The following CMTM8 variants were observed in gnomAD, a reference collection of about 807,000 sequenced individuals.
The protein encoded by CMTM8 is CKLF-like MARVEL transmembrane domain-containing protein 8.
CMTM8 carries 12 observed loss-of-function variants against 18.6 expected under a neutral mutation model. That is an observed-to-expected ratio of 0.65 (90% CI 0.41 to 1.05). The LOEUF (loss-of-function observed/expected upper bound fraction) is 1.05, where lower values mean the gene tolerates loss of function less well. CMTM8 is among the 50% of genes least tolerant of loss of function. CMTM8 has a pLI of 0.00. For synonymous variants in CMTM8, 87 were observed against 90.6 expected, an observed-to-expected ratio of 0.96 and a Z score of 0.23; for missense variants, 217 against 227.2, an observed-to-expected ratio of 0.95 and a Z score of 0.29.
chr3:32,358,440 C>T lies in CMTM8; in HGVS notation c.321+894C>T, dbSNP rs1696859924. On this transcript the variant is annotated intron_variant, in intron 2 of 3. Transcript: ENST00000307526. The surrounding 1 kb of genome is among the most constrained non-coding windows in gnomAD (Gnocchi z 4.1). ...TGTTTATGTATAAAACAGAGCTCTC[C>T]AGTGATACTATTTTTTTGTCTGTTT... Among the ~76,000 whole-genome samples the T allele has an allele frequency of 6.6e-6, 1 of 152,026 alleles. No individual in the cohort carries two copies. Among genetic ancestry groups the T allele is most frequent in the African/African-American group, 2.4e-5 (1 of 41,314 alleles).
intron 2 of CMTM8, among the ~76,000 whole-genome samples, chr3:32,361,299 T>TTTTTTTTTTTTTTTC (rs1696925620): frequency 1.4e-5 from 2 of 147,666 alleles, no homozygotes; most frequent in Admixed American, 6.7e-5. Flanking sequence ...TTTTTTTCTT[T>TTTTTTTTTTTTTTTC]CAAATTTTGG....
In CMTM8 at chr3:32,295,477, A is replaced by AAAAAAAAAAAAAAAG. The variant is rs1702860719; in HGVS notation, c.147+56359_147+56360insAAAAAAAAAAAAAGA. Among the ~76,000 whole-genome samples, 2 of 98,396 alleles carry AAAAAAAAAAAAAAAG rather than the reference A, an allele frequency of 2.0e-5. 1 individual carries two copies. Among genetic ancestry groups the AAAAAAAAAAAAAAAG allele is most frequent in the Non-Finnish European group, 3.7e-5 (2 of 53,966 alleles). 64.6% of individuals were successfully genotyped at this position (98,396 alleles called of 152,430 possible). ...TCTCAAAAAAAAAAAAAAAAAAAAA[A>AAAAAAAAAAAAAAAG]ACAAAACAAAACAGCGGAAAGAGAA... On this transcript the variant is annotated intron_variant, in intron 1 of 3. Coordinates refer to ENST00000307526, the MANE Select transcript of CMTM8 (RefSeq NM_178868.5).
At chr3:32,270,663 T>A (rs1175823496) in intron 1 of CMTM8, among the ~76,000 whole-genome samples, 1 of 151,968 alleles carries the variant, frequency 6.6e-6, no homozygotes, top group Non-Finnish European at 1.5e-5. Flanking sequence ...AGGTGGGAAT[T>A]GAACAGTGAG....
At chr3:32,332,313 T>G (rs577358249) in intron 1 of CMTM8, among the ~76,000 whole-genome samples, 1 of 152,274 alleles carries the variant, frequency 6.6e-6, no homozygotes, top group African/African-American at 2.4e-5. Context: ...GACAGTTACC[T>G]CTGAGCATCA....
At chr3:32,283,521 G>C (rs905094210) in intron 1 of CMTM8, among the ~76,000 whole-genome samples, 48 of 152,178 alleles carry the variant, frequency 3.2e-4, no homozygotes, top group African/African-American at 1.2e-3. Flanking sequence ...GGAGCCTGCG[G>C]AACAGGATGG....
chr3:32,320,239 C>G (rs1696016639), intron 1 of CMTM8, among the ~76,000 whole-genome samples: 1 of 152,198 alleles, frequency 6.6e-6, no homozygotes, highest in African/African-American at 2.4e-5. Flanking sequence ...TGCCCGTCAC[C>G]TGATGAATCT....
At chr3:32,359,467 G>A (rs771949930) in intron 2 of CMTM8, among the ~76,000 whole-genome samples, 31 of 152,176 alleles carry the variant, frequency 2.0e-4, no homozygotes, top group South Asian at 4.1e-4. Context: ...GCACATGCCT[G>A]TAATCCCAGC....
Position 32,328,610 on chromosome 3 carries a change from C to T in CMTM8, c.148-28763C>T, listed in dbSNP as rs184051438. Among the ~76,000 whole-genome samples, 4 of 147,828 alleles carry T rather than the reference C, an allele frequency of 2.7e-5. No homozygotes were observed. The East Asian group carries it at 7.8e-4, about 29-fold the overall frequency. On this transcript the variant is annotated intron_variant, in intron 1 of 3. Coordinates refer to ENST00000307526, the MANE Select transcript of CMTM8 (RefSeq NM_178868.5). ...TGAAAAGATTGACAGAATTGACAAA[C>T]CCTTAGCTCAACTATGAAAAAACAA...
intron 1 of CMTM8, among the ~76,000 whole-genome samples, chr3:32,273,346 A>G (rs1702470424): frequency 6.6e-6 from 1 of 152,120 alleles, no homozygotes; most frequent in African/African-American, 2.4e-5. Flanking sequence ...ACACACACAC[A>G]CATATATATA....
At chr3:32,273,941 C>T (rs994008671) in intron 1 of CMTM8, among the ~76,000 whole-genome samples, 3 of 152,146 alleles carry the variant, frequency 2.0e-5, no homozygotes, top group African/African-American at 7.2e-5. Flanking sequence ...CATTTGATGA[C>T]TCCCAGGATT....
At chr3:32,347,552 A>G (rs1696625934) in intron 1 of CMTM8, among the ~76,000 whole-genome samples, 1 of 152,044 alleles carries the variant, frequency 6.6e-6, no homozygotes, top group Non-Finnish European at 1.5e-5. Flanking sequence ...TTGGGGCCTC[A>G]GTACTCTCAA....
chr3:32,361,285 A>AGTTTTTTTTTTGTTTTTTTGTT (rs1350130022), intron 2 of CMTM8, among the ~76,000 whole-genome samples: 1 of 23,908 alleles, frequency 4.2e-5, no homozygotes. Flanking sequence ...CCAGCCTAAG[A>AGTTTTTTTTTTGTTTTTTTGTT]GTTTTTTTTT....
chr3:32,340,522 A>C (rs1156560335), intron 1 of CMTM8, among the ~76,000 whole-genome samples: 3 of 152,244 alleles, frequency 2.0e-5, no homozygotes, highest in African/African-American at 4.8e-5. Context: ...ACAGGTAACA[A>C]AAACATCAGT....
intron 1 of CMTM8, among the ~76,000 whole-genome samples, chr3:32,266,103 A>T (rs1308048207): frequency 7.2e-6 from 1 of 139,300 alleles, no homozygotes; most frequent in African/African-American, 2.6e-5. Flanking sequence ...AACTCATTTT[A>T]TGAGGCCAGC....
intron 1 of CMTM8, among the ~76,000 whole-genome samples, chr3:32,247,681 G>A (rs553656459): frequency 2.6e-5 from 4 of 152,072 alleles, no homozygotes; most frequent in African/African-American, 9.6e-5. Flanking sequence ...GGCTGGTTTC[G>A]AACTCCTGGC....
chr3:32,348,645 C>G (rs1386219400), intron 1 of CMTM8, among the ~76,000 whole-genome samples: 1 of 150,442 alleles, frequency 6.6e-6, no homozygotes, highest in Non-Finnish European at 1.5e-5. Context: ...ACTACAGGCA[C>G]GTGCCATCAC....
intron 1 of CMTM8, among the ~76,000 whole-genome samples, chr3:32,264,040 A>T (rs1702296556): frequency 6.6e-6 from 1 of 152,250 alleles, no homozygotes; most frequent in African/African-American, 2.4e-5. Context: ...GATATTATCC[A>T]GGAGAACTTC....
chr3:32,281,328 G>A (rs976601491), intron 1 of CMTM8, among the ~76,000 whole-genome samples: 1 of 152,154 alleles, frequency 6.6e-6, no homozygotes, highest in African/African-American at 2.4e-5. Context: ...CTCTTGGAAC[G>A]TTTTGATTAA....
chr3:32,294,540 ATC>A (rs1416448518), intron 1 of CMTM8, among the ~76,000 whole-genome samples: 18 of 152,032 alleles, frequency 1.2e-4, no homozygotes, highest in African/African-American at 3.6e-4. Context: ...ACCACTTACT[ATC>A]TCTGGATCCT....
Sources: gnomAD v4.1 joint callset for allele counts (sites outside exome capture counted in the v4.1 genomes callset) on GRCh38, gnomAD v4.1.1 for gene constraint, Gnocchi (gnomAD v3.1) non-coding constraint, MANE v1.5 for transcripts, NCBI Gene and HGNC (gene_info 2026-07-23, HGNC 2026-07-21) for gene names.